Variants in KCNQ1 observed in about 807,000 individuals in gnomAD.
KCNQ1 encodes potassium voltage-gated channel subfamily Q member 1, also known as potassium voltage-gated channel subfamily KQT member 1.
KCNQ1 carries 49 observed loss-of-function variants against 72.4 expected under a neutral mutation model. The ratio of observed to expected loss-of-function variants is 0.68; its 90% CI spans 0.54 to 0.86. KCNQ1 has a LOEUF of 0.86. Ranked by LOEUF, KCNQ1 falls within the 40% of genes least tolerant of loss-of-function variation. The probability of loss-of-function intolerance (pLI) is 0.00; values close to 1 mark genes in which losing one functional copy is unlikely to be tolerated. For missense variants in KCNQ1, 790 were observed against 945.1 expected, an observed-to-expected ratio of 0.84 and a Z score of 2.15; for synonymous variants, 450 against 412.6, an observed-to-expected ratio of 1.09 and a Z score of -1.10.
At chr11:2,721,900 G>A (rs760845930) in intron 11 of KCNQ1, among the ~76,000 whole-genome samples, 6 of 152,210 alleles carry the variant, frequency 3.9e-5, no homozygotes, top group South Asian at 2.1e-4. Flanking sequence ...AGACCCCACC[G>A]TGGACTTCTC....
rs796128602 is a variant in KCNQ1 at position 2,715,722 on chromosome 11, C to T, written c.1515-53122C>T. On this transcript the variant is annotated intron_variant, in intron 11 of 15. Coordinates refer to ENST00000155840, the MANE Select transcript of KCNQ1 (RefSeq NM_000218.3). This position sits in a 1 kb window ranked among gnomAD's most constrained non-coding sequence, Gnocchi z 4.9. ...GGGTATGGGGAGCCCTCTGGGGCAC[C>T]CTCATATCACACCCTGTCCCTCTGG... is the stretch of plus-strand genomic sequence containing the variant. Among the ~76,000 whole-genome samples the T allele has an allele frequency of 6.6e-5, 10 of 152,288 alleles. No homozygotes were observed. The highest frequency in any genetic ancestry group is 1.7e-4 in the African/African-American group (7 of 41,556).
At position 2,816,420 on chromosome 11, in the gene KCNQ1, C is replaced by T. The variant is rs1422607303; in HGVS notation, c.1795-31347C>T. Among the ~76,000 whole-genome samples, 1 of 152,168 alleles carries T rather than the reference C, an allele frequency of 6.6e-6. No homozygotes were observed. The highest frequency in any genetic ancestry group is 1.5e-5 in the Non-Finnish European group (1 of 68,030). On this transcript the variant is annotated intron_variant, in intron 15 of 15. Coordinates refer to ENST00000155840, the MANE Select transcript of KCNQ1 (RefSeq NM_000218.3). This position sits in a 1 kb window ranked among gnomAD's most constrained non-coding sequence, Gnocchi z 6.8. ...AGTGAGACCACACTCACCCTGTGGTCCAGTGATCTCCTTCTGAGAATCCGC... is the reference window on the plus strand; with the variant it reads ...AGTGAGACCACACTCACCCTGTGGTTCAGTGATCTCCTTCTGAGAATCCGC...
At position 2,787,827 on chromosome 11, in the gene KCNQ1, C is replaced by G. The variant is rs1846940658; in HGVS notation, c.1794+9790C>G. The stretch of plus-strand genomic sequence containing the variant: ...CCATGCCTAAGTCATTTCAAACATA[C>G]TGAAGGGTTTTCTAATAACCGAATG... On this transcript the variant is annotated intron_variant, in intron 15 of 15. Transcript: ENST00000155840. The surrounding 1 kb of genome is among the most constrained non-coding windows in gnomAD (Gnocchi z 6.3). Among the ~76,000 whole-genome samples, 1 of 152,052 alleles carries G rather than the reference C, an allele frequency of 6.6e-6. No homozygotes were observed. The highest frequency in any genetic ancestry group is 3.2e-3 in the Middle Eastern group (1 of 316).
Position 2,785,065 on chromosome 11 carries a change from A to G in KCNQ1, c.1794+7028A>G, listed in dbSNP as rs1488944579. 6.6e-6 allele frequency among the ~76,000 whole-genome samples: 1 copy of G among 152,046 alleles called. No homozygotes were observed. Among genetic ancestry groups the G allele is most frequent in the Non-Finnish European group, 1.5e-5 (1 of 67,860 alleles). On this transcript the variant is annotated intron_variant, in intron 15 of 15. Coordinates refer to ENST00000155840, the MANE Select transcript of KCNQ1 (RefSeq NM_000218.3). The surrounding 1 kb of genome is among the most constrained non-coding windows in gnomAD (Gnocchi z 4.4). ...TTGAACTTCAAAAAAAATATTGACT[A>G]GAAGTGCTAGAGCAGATCTTCTGGG...
chr11:2,699,886 G>A (rs1167528855), intron 11 of KCNQ1: 9 of 398,294 alleles, frequency 2.3e-5, no homozygotes, highest in Non-Finnish European at 4.0e-5. Context: ...GCCCCGGGGA[G>A]GACCACGCTG....
intron 10 of KCNQ1, among the ~76,000 whole-genome samples, chr11:2,591,620 C>T (rs1420612657): frequency 3.3e-5 from 5 of 152,226 alleles, no homozygotes. Flanking sequence ...TCGCTTGCTG[C>T]TTGCTGAATG....
intron 11 of KCNQ1, chr11:2,699,456 G>T: frequency 2.5e-6 from 1 of 397,144 alleles, no homozygotes; most frequent in Non-Finnish European, 4.4e-6. Context: ...CTGAGGAGCC[G>T]CCGGGAGAGT....
chr11:2,544,262 G>GTATATATA lies in KCNQ1; in HGVS notation c.477+16245_477+16246insATATATAT, dbSNP rs1564811904. 3.2e-5 allele frequency among the ~76,000 whole-genome samples: 3 copies of GTATATATA among 92,948 alleles called. No homozygotes were observed. The highest frequency in any genetic ancestry group is 1.8e-4 in the African/African-American group (3 of 16,242). The allele number at this position is 92,948 out of a possible 152,430, so 61.0% of individuals were successfully genotyped here. On this transcript the variant is annotated intron_variant, in intron 2 of 15. Coordinates refer to ENST00000155840, the MANE Select transcript of KCNQ1 (RefSeq NM_000218.3). This position sits in a 1 kb window ranked among gnomAD's most constrained non-coding sequence, Gnocchi z 4.4. ...TGTGTGTGTGTGTATATATATATGT[G>GTATATATA]TGTGTGTGTATATATATGTGTATAT...
Position 2,691,348 on chromosome 11 carries a change from C to A in KCNQ1, c.1514+29267C>A, listed in dbSNP as rs534864134. On this transcript the variant is annotated intron_variant, in intron 11 of 15. Transcript: ENST00000155840. The surrounding 1 kb of genome is among the most constrained non-coding windows in gnomAD (Gnocchi z 6.4). ...CAATCCACTGCACTTACAGTGACCA[C>A]CCATCCTGACATCTTGGGCTCAGGC... 15 of 398,624 alleles carry A rather than the reference C, an allele frequency of 3.8e-5. No homozygotes were observed. The South Asian group carries it at 1.9e-3, about 51-fold the overall frequency. 24.7% of individuals were successfully genotyped at this position (398,624 alleles called of 1,614,324 possible).
chr11:2,612,449 A>T lies in KCNQ1; in HGVS notation c.1393+23595A>T, dbSNP rs185759948. The T allele has an allele frequency of 2.5e-6, 1 of 398,526 alleles. No homozygotes were observed. Among genetic ancestry groups the T allele is most frequent in the Admixed American group, 4.4e-5 (1 of 22,724 alleles). 24.7% of individuals were successfully genotyped at this position (398,526 alleles called of 1,614,324 possible). A position where few individuals can be genotyped will look rare whatever the true frequency, so the allele number is the denominator to read the frequency against. On this transcript the variant is annotated intron_variant, in intron 10 of 15. Coordinates refer to ENST00000155840, the MANE Select transcript of KCNQ1 (RefSeq NM_000218.3). The surrounding 1 kb of genome is among the most constrained non-coding windows in gnomAD (Gnocchi z 5.5). ...ATTTTTCTTCATTATTTTTCTTTCT[A>T]TTCTTCAGTCTGAATCATCTTTATG...
chr11:2,689,693 G>A (rs1850557546), intron 11 of KCNQ1: 1 of 398,546 alleles, frequency 2.5e-6, no homozygotes. Flanking sequence ...TAGCTGCAGG[G>A]GCAGCTGTCC....
Position 2,847,795 on chromosome 11 carries a change from T to A in KCNQ1, c.1823T>A (p.Leu608His). 1 of 1,572,306 alleles carries A rather than the reference T, an allele frequency of 6.4e-7. No homozygotes were observed. The change falls in exon 16 of 16, where the codon CTC becomes CAC. Residue 608 changes from leucine (L) to histidine (H), a missense_variant. By Grantham distance (99) the Leu-to-His change is moderately conservative. Around this residue, in one of 5 missense-constraint regions of KCNQ1, gnomAD observed 91 missense variants for 139.1 expected, o/e 0.65. Coordinates refer to ENST00000155840, the MANE Select transcript of KCNQ1 (RefSeq NM_000218.3). ...ACGCAGCTGGACCAGAGGCTGGCAC[T>A]CATCACCGACATGCTTCACCAGCTG... ...KVTQLDQRLA[L>H]ITDMLHQLLS...
At chr11:2,585,902 T>C (rs985533436) in intron 8 of KCNQ1, among the ~76,000 whole-genome samples, 35 of 152,182 alleles carry the variant, frequency 2.3e-4, no homozygotes, top group Non-Finnish European at 4.7e-4. Flanking sequence ...AGCTCTGGGA[T>C]GCTGGGCTCT....
intron 2 of KCNQ1, among the ~76,000 whole-genome samples, chr11:2,539,285 G>A (rs1314203816): frequency 1.3e-5 from 2 of 152,200 alleles, no homozygotes; most frequent in Non-Finnish European, 2.9e-5. Flanking sequence ...CCCCATAATG[G>A]CCAGGTAGAA....
intron 14 of KCNQ1, chr11:2,777,492 T>A (rs1846728923): frequency 1.9e-6 from 1 of 534,824 alleles, no homozygotes. Flanking sequence ...ATTCCTTGGG[T>A]CCCCTGGACA....
chr11:2,589,098 G>A (rs1307018313), intron 10 of KCNQ1, among the ~76,000 whole-genome samples: 1 of 152,244 alleles, frequency 6.6e-6, no homozygotes, highest in Non-Finnish European at 1.5e-5. Context: ...AGGTGATGGG[G>A]TGGGTCGGCT....
At chr11:2,569,690 C>T (rs1242238941) in intron 2 of KCNQ1, among the ~76,000 whole-genome samples, 2 of 152,246 alleles carry the variant, frequency 1.3e-5, no homozygotes, top group African/African-American at 4.8e-5. Context: ...TGCCTGGGCG[C>T]TGGGCTCCAG....
intron 15 of KCNQ1, among the ~76,000 whole-genome samples, chr11:2,780,866 C>A (rs1475425746): frequency 6.6e-6 from 1 of 152,158 alleles, no homozygotes; most frequent in Non-Finnish European, 1.5e-5. Flanking sequence ...GCGGGCTCGT[C>A]AAAACTCTTG....
chr11:2,467,691 CCCACGTCAATGCCTGGGCA>C (rs1846371594), intron 1 of KCNQ1, among the ~76,000 whole-genome samples: 1 of 152,194 alleles, frequency 6.6e-6, no homozygotes, highest in Non-Finnish European at 1.5e-5. Flanking sequence ...ACACCTGCCC[CCCACGTCAATGCCTGGGCA>C]CACGGGCCCA....
Sources: allele counts gnomAD v4.1 joint callset (sites outside exome capture counted in the v4.1 genomes callset), GRCh38; gene constraint gnomAD v4.1.1; regional missense constraint gnomAD v4.1.1; non-coding constraint Gnocchi (gnomAD v3.1); transcripts MANE v1.5; gene names NCBI Gene and HGNC (gene_info 2026-07-23, HGNC 2026-07-21).